The following CNTNAP5 variants were observed in gnomAD, a reference collection of about 807,000 sequenced individuals.
The protein encoded by CNTNAP5 is contactin associated protein family member 5, also known as contactin-associated protein-like 5.
Under a neutral mutation model 150.2 loss-of-function variants are expected in CNTNAP5, and 72 were observed. The observed-to-expected ratio is 0.48, with a 90% CI of 0.40 to 0.58. The LOEUF (loss-of-function observed/expected upper bound fraction) is 0.58. Among genes scored for constraint, CNTNAP5 ranks in the 20% least tolerant of loss-of-function variants. CNTNAP5 has a pLI of 0.00. For synonymous variants in CNTNAP5, 672 were observed against 619.8 expected (o/e 1.08, Z -1.25); for missense variants, 1,636 against 1,626.2 (o/e 1.01, Z -0.10).
At chr2:124,711,797 T>C (rs1235249274) in intron 13 of CNTNAP5, among the ~76,000 whole-genome samples, 2 of 152,118 alleles carry the variant, frequency 1.3e-5, no homozygotes, top group African/African-American at 2.4e-5. Flanking sequence ...GCCAAGATAG[T>C]GTCACTGCGC....
chr2:124,226,208 T>A (rs1312321984), intron 2 of CNTNAP5, among the ~76,000 whole-genome samples: 1 of 152,030 alleles, frequency 6.6e-6, no homozygotes, highest in Admixed American at 6.6e-5. Flanking sequence ...ATAACTATGC[T>A]AATTTACATT....
chr2:124,156,815 C>G (rs973914106), intron 1 of CNTNAP5, among the ~76,000 whole-genome samples: 2 of 152,154 alleles, frequency 1.3e-5, no homozygotes, highest in Non-Finnish European at 2.9e-5. Flanking sequence ...TGAGAGTTCA[C>G]AGAGCTGGTA....
chr2:124,630,825 C>G (rs1277318234), intron 12 of CNTNAP5, among the ~76,000 whole-genome samples: 1 of 151,996 alleles, frequency 6.6e-6, no homozygotes, highest in Non-Finnish European at 1.5e-5. Flanking sequence ...CTAGAAAACC[C>G]CATCAACTCA....
chr2:124,388,677 C>T (rs138312136), intron 3 of CNTNAP5, among the ~76,000 whole-genome samples: 173 of 152,200 alleles, frequency 1.1e-3, no homozygotes, highest in African/African-American at 3.9e-3. Context: ...GCACCAAGCA[C>T]GGGGCCTTTT....
chr2:124,783,961 T>C (rs542237628), intron 17 of CNTNAP5, among the ~76,000 whole-genome samples: 79 of 152,194 alleles, frequency 5.2e-4, no homozygotes, highest in Non-Finnish European at 9.6e-4. Flanking sequence ...ATTCTGCCAA[T>C]TGGAGAACCA....
At position 124,364,785 on chromosome 2, in the gene CNTNAP5, G is replaced by A. The variant is rs1196556909; in HGVS notation, c.382-52658G>A. On this transcript the variant is annotated intron_variant, in intron 3 of 23. Transcript: ENST00000682447. Reference sequence around the variant, plus strand: ...TATAATACCAGAAAGAAAATAAAAAGTACCAGAGGAGAAAAAGGAAATTAA... The same window carrying A: ...TATAATACCAGAAAGAAAATAAAAAATACCAGAGGAGAAAAAGGAAATTAA... Among the ~76,000 whole-genome samples, 2 of 152,112 alleles carry A rather than the reference G, an allele frequency of 1.3e-5. 1 individual carries two copies. The highest frequency in any genetic ancestry group is 4.8e-5 in the African/African-American group (2 of 41,426).
At chr2:124,845,736 T>A (rs1361277948) in intron 19 of CNTNAP5, among the ~76,000 whole-genome samples, 5 of 152,104 alleles carry the variant, frequency 3.3e-5, no homozygotes, top group Non-Finnish European at 7.4e-5. Context: ...TTTCCAGGAA[T>A]GTATCCATCT....
intron 6 of CNTNAP5, among the ~76,000 whole-genome samples, chr2:124,469,420 G>A (rs997877623): frequency 1.3e-5 from 2 of 151,814 alleles, no homozygotes; most frequent in Non-Finnish European, 2.9e-5. Flanking sequence ...GAGGAAAGTA[G>A]CCAACACAAA....
At position 124,477,762 on chromosome 2, in the gene CNTNAP5, T is replaced by C. The variant is rs540480044; in HGVS notation, c.1062+2880T>C. 6.3e-4 allele frequency among the ~76,000 whole-genome samples: 96 copies of C among 151,808 alleles called. No homozygotes were observed. In the South Asian group the frequency reaches 0.012, roughly 19 times the overall value. On this transcript the variant is annotated intron_variant, in intron 7 of 23. Transcript: ENST00000682447. ...ATGTTTCAAGAAATATTTCATAATA[T>C]ATCAGTTTCCTTGAGTCCAATCTGC...
chr2:124,044,755 G>T (rs1313205287), intron 1 of CNTNAP5, among the ~76,000 whole-genome samples: 1 of 152,018 alleles, frequency 6.6e-6, no homozygotes, highest in Non-Finnish European at 1.5e-5. Context: ...CTGTCATGAT[G>T]GTGGATGCTG....
chr2:124,876,619 C>A (rs990587558), intron 21 of CNTNAP5, among the ~76,000 whole-genome samples: 1 of 151,852 alleles, frequency 6.6e-6, no homozygotes, highest in Non-Finnish European at 1.5e-5. Flanking sequence ...ATGTAATCTT[C>A]TTTAGAACAA....
intron 1 of CNTNAP5, among the ~76,000 whole-genome samples, chr2:124,026,513 A>G (rs1680894394): frequency 1.3e-5 from 2 of 152,234 alleles, no homozygotes; most frequent in Non-Finnish European, 2.9e-5. Flanking sequence ...TATATATTTA[A>G]AGAATCCAGT....
chr2:124,279,900 C>A (rs1013825387), intron 3 of CNTNAP5, among the ~76,000 whole-genome samples: 1 of 152,008 alleles, frequency 6.6e-6, no homozygotes, highest in Admixed American at 6.6e-5. Flanking sequence ...CATATTATAC[C>A]TTTGTCACCT....
chr2:124,094,473 A>G (rs1187245745), intron 1 of CNTNAP5, among the ~76,000 whole-genome samples: 3 of 152,228 alleles, frequency 2.0e-5, no homozygotes, highest in Non-Finnish European at 4.4e-5. Flanking sequence ...TGCAAATGTC[A>G]TAGATTTGTC....
chr2:124,532,927 T>C (rs1444741749), intron 10 of CNTNAP5, among the ~76,000 whole-genome samples: 1 of 152,122 alleles, frequency 6.6e-6, no homozygotes, highest in Non-Finnish European at 1.5e-5. Context: ...CTAGTTTCCA[T>C]GGGGAGAGAA....
chr2:124,034,094 G>A (rs2104623777), intron 1 of CNTNAP5, among the ~76,000 whole-genome samples: 1 of 152,260 alleles, frequency 6.6e-6, no homozygotes, highest in East Asian at 1.9e-4. Context: ...CAAAAGTACA[G>A]TAGATGGCCA....
At chr2:124,685,739 AGTGTGTGT>A (rs374079431) in intron 13 of CNTNAP5, among the ~76,000 whole-genome samples, 1 of 130,692 alleles carries the variant, frequency 7.7e-6, no homozygotes, top group Non-Finnish European at 1.7e-5. Context: ...ATCTAAAGTA[AGTGTGTGT>A]GTGTGTGTGT....
intron 13 of CNTNAP5, among the ~76,000 whole-genome samples, chr2:124,670,902 A>G (rs1338171653): frequency 6.6e-6 from 1 of 152,078 alleles, no homozygotes; most frequent in Non-Finnish European, 1.5e-5. Flanking sequence ...ATTTATTTTC[A>G]TATGATATAA....
chr2:124,442,748 C>T (rs1354142122), intron 5 of CNTNAP5, among the ~76,000 whole-genome samples: 1 of 151,906 alleles, frequency 6.6e-6, no homozygotes, highest in Non-Finnish European at 1.5e-5. Flanking sequence ...AAAGCAGCAA[C>T]AAACACAAAT....
Sources: allele counts gnomAD v4.1 joint callset (sites outside exome capture counted in the v4.1 genomes callset), GRCh38; gene constraint gnomAD v4.1.1; transcripts MANE v1.5; gene names NCBI Gene and HGNC (gene_info 2026-07-23, HGNC 2026-07-21).